B4GALT5: variants seen among roughly 807,000 people sequenced by gnomAD.
B4GALT5 encodes the protein UDP-Gal:beta-GlcNAc beta-1,4-galactosyltransferase 5.
Under a neutral mutation model 45.0 loss-of-function variants are expected in B4GALT5, and 11 were observed. That is an observed-to-expected ratio of 0.24 (90% CI 0.15 to 0.40). B4GALT5 has a LOEUF of 0.40. Ranked by LOEUF, B4GALT5 falls within the 10% of genes least tolerant of loss-of-function variation. The pLI is 1.00. For missense variants in B4GALT5, 337 were observed against 500.2 expected (o/e 0.67, Z 3.11); for synonymous variants, 185 against 182.9 (o/e 1.01, Z -0.09).
chr20:49,708,091 A>C (rs2085892492), intron 1 of B4GALT5, among the ~76,000 whole-genome samples: 1 of 151,484 alleles, frequency 6.6e-6, no homozygotes, highest in Non-Finnish European at 1.5e-5. Context: ...AAAAAAAAAA[A>C]AAAAATAGCT....
chr20:49,701,397 C>T (rs916464808), intron 1 of B4GALT5, among the ~76,000 whole-genome samples: 14 of 152,054 alleles, frequency 9.2e-5, no homozygotes, highest in African/African-American at 3.4e-4. Context: ...TGTGGGAGTC[C>T]AGCAGCTTTT....
At chr20:49,709,670 G>C (rs2085899542) in intron 1 of B4GALT5, among the ~76,000 whole-genome samples, 1 of 151,812 alleles carries the variant, frequency 6.6e-6, no homozygotes, top group African/African-American at 2.4e-5. Flanking sequence ...TCTGGAGGCT[G>C]AAGCAGGAGA....
intron 1 of B4GALT5, among the ~76,000 whole-genome samples, chr20:49,677,705 C>T (rs1325560262): frequency 6.6e-6 from 1 of 152,176 alleles, no homozygotes; most frequent in South Asian, 2.1e-4. Context: ...AAAATTACAT[C>T]TGTATTTGGC....
At chr20:49,700,780 G>A (rs1263437552) in intron 1 of B4GALT5, among the ~76,000 whole-genome samples, 3 of 152,216 alleles carry the variant, frequency 2.0e-5, no homozygotes, top group Non-Finnish European at 4.4e-5. Context: ...GGGGGACAGA[G>A]CAGGATGGTG....
intron 1 of B4GALT5, among the ~76,000 whole-genome samples, chr20:49,682,391 TG>T (rs2085767710): frequency 6.6e-6 from 1 of 152,204 alleles, no homozygotes; most frequent in Non-Finnish European, 1.5e-5. Flanking sequence ...AGCTCTTAAA[TG>T]ATTTCCCTTA....
chr20:49,633,751 G>A lies in B4GALT5; in HGVS notation c.*2561C>T, dbSNP rs538312856. 7.2e-5 allele frequency: 11 copies of A among 152,538 alleles called. No individual in the cohort carries two copies. The highest frequency in any genetic ancestry group is 5.2e-4 in the Admixed American group (8 of 15,294). The allele number at this position is 152,538 out of a possible 1,614,324, so 9.4% of individuals were successfully genotyped here. A position where few individuals can be genotyped will look rare whatever the true frequency, so the allele number is the denominator to read the frequency against. ...GCAACATAGAGCTTCAAACAAGATC[G>A]CCTGACAACACTGCCGCATACACAT... On this transcript the variant is annotated 3_prime_UTR_variant, in exon 9 of 9. Coordinates refer to ENST00000371711, the MANE Select transcript of B4GALT5 (RefSeq NM_004776.4).
At chr20:49,669,472 G>C (rs1802768441) in intron 1 of B4GALT5, among the ~76,000 whole-genome samples, 1 of 152,134 alleles carries the variant, frequency 6.6e-6, no homozygotes, top group Non-Finnish European at 1.5e-5. Flanking sequence ...TGAGGCAGGT[G>C]GATCACCTGA....
intron 1 of B4GALT5, among the ~76,000 whole-genome samples, chr20:49,686,873 T>A (rs575483947): frequency 2.0e-5 from 3 of 151,624 alleles, no homozygotes; most frequent in African/African-American, 7.3e-5. Flanking sequence ...TACTCCAGCC[T>A]GGGTGACACA....
At chr20:49,662,671 A>T (rs947344641) in intron 1 of B4GALT5, among the ~76,000 whole-genome samples, 1 of 152,198 alleles carries the variant, frequency 6.6e-6, no homozygotes, top group Non-Finnish European at 1.5e-5. Context: ...AGAAAAGCTC[A>T]GTCATTCCTT....
Position 49,706,450 on chromosome 20 carries a change from T to C in B4GALT5, c.115+7126A>G, listed in dbSNP as rs141900643. 9.7e-4 allele frequency among the ~76,000 whole-genome samples: 147 copies of C among 152,312 alleles called. 2 individuals are homozygous for C. Among genetic ancestry groups the C allele is most frequent in the African/African-American group, 2.9e-3 (121 of 41,560 alleles). On this transcript the variant is annotated intron_variant, in intron 1 of 8. Transcript: ENST00000371711. ...AGTTAATGACTCAACTTGACTTATA[T>C]GATCATCTATAAATTGACAGATGTA...
chr20:49,635,264 G>A lies in B4GALT5; in HGVS notation c.*1048C>T, dbSNP rs1409088763. ...CCCCGCCCCGCCATGCTGATGAAAA[G>A]ACAGAACACGAAGCCTGGAGAGCCA... On this transcript the variant is annotated 3_prime_UTR_variant, in exon 9 of 9. Coordinates refer to ENST00000371711, the MANE Select transcript of B4GALT5 (RefSeq NM_004776.4). The A allele has an allele frequency of 1.5e-5, 2 of 133,306 alleles. No individual in the cohort carries two copies. The highest frequency in any genetic ancestry group is 4.3e-4 in the East Asian group (2 of 4,660). 8.3% of individuals were successfully genotyped at this position (133,306 alleles called of 1,614,324 possible).
chr20:49,646,414 TTTTTATC>T (rs1289671169), intron 3 of B4GALT5, among the ~76,000 whole-genome samples: 1 of 152,142 alleles, frequency 6.6e-6, no homozygotes, highest in Non-Finnish European at 1.5e-5. Context: ...GCTGTACCAT[TTTTTATC>T]TTTTATATCT....
chr20:49,674,875 CCTGGCTCCTGCCT>C (rs912477846), intron 1 of B4GALT5, among the ~76,000 whole-genome samples: 7 of 152,152 alleles, frequency 4.6e-5, no homozygotes, highest in Non-Finnish European at 7.3e-5. Context: ...GTCCATAAAA[CCTGGCTCCTGCCT>C]CTGGAATTTC....
At chr20:49,686,728 C>CCAA (rs1200395706) in intron 1 of B4GALT5, among the ~76,000 whole-genome samples, 1 of 59,456 alleles carries the variant, frequency 1.7e-5, no homozygotes, top group East Asian at 5.4e-4. Flanking sequence ...TGTCTCTGCC[C>CCAA]AAAAAAAAAA....
Position 49,640,681 on chromosome 20 carries a change from C to T in B4GALT5, c.607-16G>A. 6.4e-7 allele frequency: 1 copy of T among 1,570,984 alleles called. No homozygotes were observed. Among genetic ancestry groups the T allele is most frequent in the Non-Finnish European group, 8.6e-7 (1 of 1,163,958 alleles). On this transcript the variant is annotated splice_polypyrimidine_tract_variant and intron_variant, in intron 5 of 8. Coordinates refer to ENST00000371711, the MANE Select transcript of B4GALT5 (RefSeq NM_004776.4). Reference sequence around the variant, plus strand: ...GGGTACCAACCTAAAAGAAACAGAACTTTATCTTTAAAAGAATCTTGAAGG... The same window carrying T: ...GGGTACCAACCTAAAAGAAACAGAATTTTATCTTTAAAAGAATCTTGAAGG...
intron 5 of B4GALT5, among the ~76,000 whole-genome samples, chr20:49,640,928 C>T (rs1422157305): frequency 6.6e-6 from 1 of 152,188 alleles, no homozygotes; most frequent in Non-Finnish European, 1.5e-5. Flanking sequence ...GCCTGGCCAA[C>T]ATGGTGAAAC....
In B4GALT5 at chr20:49,677,954, G is replaced by A. The variant is rs1600545745; in HGVS notation, c.116-21252C>T. Among the ~76,000 whole-genome samples the A allele has an allele frequency of 2.0e-5, 3 of 152,212 alleles. No homozygotes were observed. In the South Asian group the frequency reaches 6.2e-4, roughly 32 times the overall value. ...TAGAGACAGGAGTTTCACCATGTTGGTCAGGCTGGTCTCGAACCCCTGACC... is the reference window on the plus strand; with the variant it reads ...TAGAGACAGGAGTTTCACCATGTTGATCAGGCTGGTCTCGAACCCCTGACC... On this transcript the variant is annotated intron_variant, in intron 1 of 8. Transcript: ENST00000371711.
chr20:49,664,435 C>A (rs1027601375), intron 1 of B4GALT5, among the ~76,000 whole-genome samples: 1 of 138,004 alleles, frequency 7.2e-6, no homozygotes, highest in South Asian at 2.2e-4. Context: ...CACACACACA[C>A]ACACACACAC....
intron 1 of B4GALT5, among the ~76,000 whole-genome samples, chr20:49,711,066 G>C (rs2085908423): frequency 7.8e-6 from 1 of 128,170 alleles, no homozygotes; most frequent in Admixed American, 8.3e-5. Flanking sequence ...GGGCAACAGA[G>C]ACTCTCTATC....
Sources: allele counts gnomAD v4.1 joint callset (sites outside exome capture counted in the v4.1 genomes callset), GRCh38; gene constraint gnomAD v4.1.1; transcripts MANE v1.5; gene names NCBI Gene and HGNC (gene_info 2026-07-23, HGNC 2026-07-21).